Variants in ADCY1 observed in about 807,000 individuals in gnomAD.
ADCY1 encodes adenylate cyclase 1, also known as adenylate cyclase type 1.
Under a neutral mutation model 105.4 loss-of-function variants are expected in ADCY1, and 28 were observed. The observed-to-expected ratio is 0.27, with a 90% CI of 0.20 to 0.36. The LOEUF (loss-of-function observed/expected upper bound fraction) is 0.36. ADCY1 is among the 10% of genes least tolerant of loss of function. ADCY1 has a pLI of 1.00. For synonymous variants in ADCY1, 655 were observed against 623.8 expected (o/e 1.05, Z -0.75); for missense variants, 977 against 1,434.2 (o/e 0.68, Z 5.15).
At chr7:45,657,700 G>T (rs1794980195) in intron 5 of ADCY1, 27 bp from the exon 6 acceptor site, 2 of 1,605,012 alleles carry the variant, frequency 1.2e-6, no homozygotes, top group African/African-American at 2.7e-5. Flanking sequence ...GTGGGCCCTA[G>T]CCCCACGCTC....
At chr7:45,666,258 T>C (rs147978030) in intron 8 of ADCY1, among the ~76,000 whole-genome samples, 4,034 of 152,268 alleles carry the variant, frequency 0.026, 91 homozygotes, top group South Asian at 0.096. Context: ...TTACATTAGG[T>C]ATATCTCCTA....
intron 5 of ADCY1, among the ~76,000 whole-genome samples, chr7:45,649,082 A>G (rs1312263594): frequency 1.3e-5 from 2 of 152,240 alleles, no homozygotes; most frequent in African/African-American, 4.8e-5. Flanking sequence ...TGAGTCATAC[A>G]AAAATAAATT....
At chr7:45,618,107 G>T (rs1230688235) in intron 3 of ADCY1, among the ~76,000 whole-genome samples, 1 of 152,102 alleles carries the variant, frequency 6.6e-6, no homozygotes, top group Admixed American at 6.5e-5. Flanking sequence ...TTTGACAAAG[G>T]TGCCAAGAAC....
intron 8 of ADCY1, among the ~76,000 whole-genome samples, chr7:45,674,129 G>A (rs184378418): frequency 3.3e-4 from 49 of 150,590 alleles, no homozygotes; most frequent in African/African-American, 1.2e-3. Flanking sequence ...TTCTGTTTTG[G>A]TTTGAGAGTA....
intron 14 of ADCY1, among the ~76,000 whole-genome samples, chr7:45,687,230 G>A (rs1262498342): frequency 6.6e-6 from 1 of 152,212 alleles, no homozygotes; most frequent in Non-Finnish European, 1.5e-5. Context: ...ACTGGCTTCA[G>A]GCCCCAAACA....
intron 1 of ADCY1, among the ~76,000 whole-genome samples, chr7:45,590,915 G>A (rs1181923252): frequency 6.6e-6 from 1 of 152,142 alleles, no homozygotes; most frequent in Non-Finnish European, 1.5e-5. Context: ...ACAGGGTCAG[G>A]TGGGGGTGTG....
At chr7:45,581,539 C>A (rs1161806797) in intron 1 of ADCY1, among the ~76,000 whole-genome samples, 1 of 152,192 alleles carries the variant, frequency 6.6e-6, no homozygotes, top group Non-Finnish European at 1.5e-5. Flanking sequence ...CTGTGGCCAT[C>A]ATGCCAGGCT....
chr7:45,648,904 G>A (rs1584301851), intron 5 of ADCY1, 107 bp downstream of exon 5: 7 of 1,391,482 alleles, frequency 5.0e-6, no homozygotes, highest in African/African-American at 1.4e-5. Flanking sequence ...TCAGGGTCTC[G>A]CTTTGTCCTG....
In ADCY1 at chr7:45,703,847, G is replaced by C; in HGVS notation, c.2718+101G>C. 6.9e-7 allele frequency: 1 copy of C among 1,444,112 alleles called. No individual in the cohort carries two copies. The highest frequency in any genetic ancestry group is 9.3e-7 in the Non-Finnish European group (1 of 1,078,274). The allele number at this position is 1,444,112 out of a possible 1,614,324, so 89.5% of individuals were successfully genotyped here. On this transcript the variant is annotated intron_variant, in intron 16 of 19. Coordinates refer to ENST00000297323, the MANE Select transcript of ADCY1 (RefSeq NM_021116.4). This position sits in a 1 kb window ranked among gnomAD's most constrained non-coding sequence, Gnocchi z 5.9. The stretch of plus-strand genomic sequence containing the variant: ...ACAATATGTCACATTCTTCGTAGCT[G>C]GAATGAGAGAAAGCAAATCCCGGGA...
chr7:45,588,905 G>GTA (rs1350488977), intron 1 of ADCY1, among the ~76,000 whole-genome samples: 1 of 151,660 alleles, frequency 6.6e-6, no homozygotes, highest in Non-Finnish European at 1.5e-5. Context: ...ATGTGTGTGT[G>GTA]TAACACTTTC....
intron 2 of ADCY1, among the ~76,000 whole-genome samples, chr7:45,609,447 G>T (rs190275402): frequency 1.3e-5 from 2 of 152,368 alleles, no homozygotes; most frequent in East Asian, 3.9e-4. Flanking sequence ...CTGCGGAGGG[G>T]CTTGGAGCCA....
intron 3 of ADCY1, among the ~76,000 whole-genome samples, chr7:45,621,544 C>A (rs1793887136): frequency 6.6e-6 from 1 of 152,210 alleles, no homozygotes; most frequent in Middle Eastern, 3.2e-3. Flanking sequence ...GACCTGGACT[C>A]TAGTCTTATT....
At chr7:45,583,620 T>A (rs1384341991) in intron 1 of ADCY1, among the ~76,000 whole-genome samples, 1 of 152,162 alleles carries the variant, frequency 6.6e-6, no homozygotes, top group African/African-American at 2.4e-5. Context: ...TTCCTGGTGC[T>A]TGGCCACCTG....
intron 4 of ADCY1, among the ~76,000 whole-genome samples, chr7:45,635,575 G>A (rs1475445934): frequency 9.5e-5 from 4 of 42,070 alleles, no homozygotes; most frequent in Admixed American, 6.6e-4. Flanking sequence ...TTCTAATTCT[G>A]TTCAAAATAC....
At chr7:45,680,371 A>G in intron 11 of ADCY1, 1 of 168,792 alleles carries the variant, frequency 5.9e-6, no homozygotes, top group South Asian at 1.5e-4. Context: ...GAAAGACGTG[A>G]GCTTTGCGGC....
intron 6 of ADCY1, 39 bp from the exon 7 acceptor site, chr7:45,660,003 G>T (rs1476351625): frequency 3.1e-6 from 5 of 1,612,604 alleles, no homozygotes; most frequent in African/African-American, 1.3e-5. Flanking sequence ...GACAGCAGTG[G>T]TTCCCCACTC....
Position 45,703,360 on chromosome 7 carries a change from G to T in ADCY1, c.2455-16G>T, listed in dbSNP as rs1186152641. The T allele has an allele frequency of 5.6e-6, 9 of 1,612,172 alleles. No individual in the cohort carries two copies. Among genetic ancestry groups the T allele is most frequent in the Non-Finnish European group, 7.6e-6 (9 of 1,178,562 alleles). On this transcript the variant is annotated splice_polypyrimidine_tract_variant and intron_variant, in intron 14 of 19. Transcript: ENST00000297323. The surrounding 1 kb of genome is among the most constrained non-coding windows in gnomAD (Gnocchi z 5.9). ...GCGTGAGTGGATGGGACTAATGGAG[G>T]CTCATGATACCCCAGGCAGAGGAGG...
chr7:45,580,348 G>A (rs1359405531), intron 1 of ADCY1, among the ~76,000 whole-genome samples: 2 of 152,214 alleles, frequency 1.3e-5, no homozygotes, highest in African/African-American at 2.4e-5. Context: ...TTCATGGACC[G>A]GAGAAGAGCT....
At chr7:45,580,495 C>T (rs764152495) in intron 1 of ADCY1, among the ~76,000 whole-genome samples, 17 of 152,210 alleles carry the variant, frequency 1.1e-4, no homozygotes, top group Non-Finnish European at 2.2e-4. Context: ...ACCTCCCTTC[C>T]TCTGGGAAGC....
Sources: allele counts gnomAD v4.1 joint callset (sites outside exome capture counted in the v4.1 genomes callset), GRCh38; gene constraint gnomAD v4.1.1; non-coding constraint Gnocchi (gnomAD v3.1); transcripts MANE v1.5; gene names NCBI Gene and HGNC (gene_info 2026-07-23, HGNC 2026-07-21).